SH3BGRL2: variants seen among roughly 807,000 people sequenced by gnomAD.
SH3BGRL2 encodes the protein SH3 domain binding glutamate rich protein like 2.
Under a neutral mutation model 14.8 loss-of-function variants are expected in SH3BGRL2, and 21 were observed. The ratio of observed to expected loss-of-function variants is 1.42; its 90% CI spans 1.01 to 2.05. SH3BGRL2 has a LOEUF of 2.05. Ranked by LOEUF, SH3BGRL2 falls within the 30% of genes most tolerant of loss-of-function variation. SH3BGRL2 has a pLI of 0.00. For synonymous variants in SH3BGRL2, 50 were observed against 47.8 expected, an observed-to-expected ratio of 1.05 and a Z score of -0.19; for missense variants, 147 against 130.8, an observed-to-expected ratio of 1.12 and a Z score of -0.61.
At chr6:79,636,554 C>G (rs1156285320) in intron 1 of SH3BGRL2, among the ~76,000 whole-genome samples, 4 of 152,084 alleles carry the variant, frequency 2.6e-5, no homozygotes, top group Non-Finnish European at 2.9e-5. Flanking sequence ...TATTAGTTCT[C>G]TAGGGCTGTC....
At chr6:79,592,807 T>A in the SH3BGRL2 span, among the ~76,000 whole-genome samples, 1 of 152,178 alleles carries the variant, frequency 6.6e-6, no homozygotes, top group Admixed American at 6.5e-5. Context: ...GTCCTATTAT[T>A]ATTTCCATTT....
rs183148963 is a variant in SH3BGRL2 at position 79,683,654 on chromosome 6, T to A, written c.231+9855T>A. Among the ~76,000 whole-genome samples the A allele has an allele frequency of 7.7e-3, 1,166 of 152,082 alleles. 12 individuals are homozygous for A. Among genetic ancestry groups the A allele is most frequent in the South Asian group, 0.013 (64 of 4,822 alleles). ...AGTAGAGACGGGGTTTCACCATGTTTGCCAGGATGGTCTTGATCTCCTGAC... is the reference window on the plus strand; with the variant it reads ...AGTAGAGACGGGGTTTCACCATGTTAGCCAGGATGGTCTTGATCTCCTGAC... On this transcript the variant is annotated intron_variant, in intron 2 of 3. Coordinates refer to ENST00000369838, the MANE Select transcript of SH3BGRL2 (RefSeq NM_031469.4).
intron 2 of SH3BGRL2, among the ~76,000 whole-genome samples, chr6:79,677,572 G>A (rs1409092688): frequency 1.3e-5 from 2 of 152,182 alleles, no homozygotes; most frequent in African/African-American, 2.4e-5. Context: ...GCTGTGGCTG[G>A]TGTCCTTATG....
the SH3BGRL2 span, among the ~76,000 whole-genome samples, chr6:79,592,364 C>G: frequency 6.6e-6 from 1 of 152,182 alleles, no homozygotes; most frequent in East Asian, 1.9e-4. Flanking sequence ...ATCCTGTATT[C>G]AAAAAGCTCA....
upstream of SH3BGRL2, among the ~76,000 whole-genome samples, chr6:79,628,917 G>A (rs967291352): frequency 6.6e-6 from 1 of 152,096 alleles, no homozygotes. Flanking sequence ...ACAGATATAG[G>A]GATATTACAC....
the SH3BGRL2 span, among the ~76,000 whole-genome samples, chr6:79,617,998 A>G: frequency 6.6e-6 from 1 of 152,238 alleles, no homozygotes. Flanking sequence ...GATGGTATCA[A>G]CATCCATTGA....
chr6:79,567,763 C>T, the SH3BGRL2 span, among the ~76,000 whole-genome samples: 2 of 152,160 alleles, frequency 1.3e-5, no homozygotes, highest in South Asian at 2.1e-4. Flanking sequence ...AAAATTAAAA[C>T]TTCTGTTTAT....
chr6:79,581,388 C>A, the SH3BGRL2 span, among the ~76,000 whole-genome samples: 2 of 152,166 alleles, frequency 1.3e-5, no homozygotes, highest in Non-Finnish European at 2.9e-5. Flanking sequence ...CAAAAATCCT[C>A]AATAAAATAC....
At chr6:79,641,857 T>C (rs927327627) in intron 1 of SH3BGRL2, among the ~76,000 whole-genome samples, 2 of 152,214 alleles carry the variant, frequency 1.3e-5, no homozygotes, top group Non-Finnish European at 2.9e-5. Flanking sequence ...CATACAGGTA[T>C]AATTTTAGGA....
At chr6:79,614,027 C>T in the SH3BGRL2 span, among the ~76,000 whole-genome samples, 3 of 152,138 alleles carry the variant, frequency 2.0e-5, no homozygotes, top group African/African-American at 7.2e-5. Flanking sequence ...GAGTTTCTGG[C>T]CCCAGTCCCA....
At chr6:79,538,035 T>G in the SH3BGRL2 span, among the ~76,000 whole-genome samples, 1 of 137,006 alleles carries the variant, frequency 7.3e-6, no homozygotes, top group East Asian at 2.1e-4. Flanking sequence ...TTTTTTTTTT[T>G]TTTTTTTTTT....
chr6:79,558,593 G>A, the SH3BGRL2 span, among the ~76,000 whole-genome samples: 1 of 151,980 alleles, frequency 6.6e-6, no homozygotes, highest in African/African-American at 2.4e-5. Context: ...GGCCCGGTGC[G>A]GTGGCTCATG....
chr6:79,696,784 A>G (rs1386253549), intron 3 of SH3BGRL2, among the ~76,000 whole-genome samples: 1 of 152,156 alleles, frequency 6.6e-6, no homozygotes, highest in Non-Finnish European at 1.5e-5. Context: ...GCTATAAATT[A>G]GAATATTACC....
the SH3BGRL2 span, among the ~76,000 whole-genome samples, chr6:79,541,669 A>G: frequency 6.6e-6 from 1 of 152,216 alleles, no homozygotes; most frequent in Admixed American, 6.5e-5. Context: ...ACTGTGGCCA[A>G]GAGTTTGCTT....
At chr6:79,649,758 A>T (rs144966523) in intron 1 of SH3BGRL2, among the ~76,000 whole-genome samples, 2 of 152,194 alleles carry the variant, frequency 1.3e-5, no homozygotes, top group East Asian at 1.9e-4. Context: ...GTTAATGCCA[A>T]TTTCAAATTG....
intron 2 of SH3BGRL2, among the ~76,000 whole-genome samples, chr6:79,694,826 G>A (rs903436355): frequency 3.9e-5 from 6 of 151,986 alleles, no homozygotes; most frequent in African/African-American, 9.7e-5. Flanking sequence ...GCCCTCTGCC[G>A]TCAGCTCGGC....
chr6:79,656,866 A>C (rs1222866763), intron 1 of SH3BGRL2, among the ~76,000 whole-genome samples: 1 of 152,186 alleles, frequency 6.6e-6, no homozygotes, highest in Non-Finnish European at 1.5e-5. Context: ...CTGTAACATA[A>C]ATATGAATGT....
chr6:79,589,190 CTA>C, the SH3BGRL2 span, among the ~76,000 whole-genome samples: 14 of 142,570 alleles, frequency 9.8e-5, no homozygotes, highest in African/African-American at 1.5e-4. Flanking sequence ...TGAAATTATC[CTA>C]TATATATATA....
the SH3BGRL2 span, among the ~76,000 whole-genome samples, chr6:79,620,477 C>T: frequency 1.3e-5 from 2 of 151,996 alleles, no homozygotes; most frequent in African/African-American, 2.4e-5. Context: ...ATAAATTAAC[C>T]ATGCTCTCAA....
Sources: allele counts gnomAD v4.1 joint callset (sites outside exome capture counted in the v4.1 genomes callset), GRCh38; gene constraint gnomAD v4.1.1; transcripts MANE v1.5; gene names NCBI Gene and HGNC (gene_info 2026-07-23, HGNC 2026-07-21).